GPC6: variants seen among roughly 807,000 people sequenced by gnomAD.
The protein encoded by GPC6 is glypican-6.
Under a neutral mutation model 55.2 loss-of-function variants are expected in GPC6, and 14 were observed. That is an observed-to-expected ratio of 0.25 (90% CI 0.17 to 0.40). GPC6 has a LOEUF of 0.40. Among genes scored for constraint, GPC6 ranks in the 10% least tolerant of loss-of-function variants. The probability of loss-of-function intolerance (pLI) is 1.00; values close to 1 mark genes in which losing one functional copy is unlikely to be tolerated. For synonymous variants in GPC6, 278 were observed against 259.6 expected, an observed-to-expected ratio of 1.07 and a Z score of -0.68; for missense variants, 641 against 708.5, an observed-to-expected ratio of 0.90 and a Z score of 1.08.
chr13:94,001,221 C>G (rs1881785423), intron 3 of GPC6, among the ~76,000 whole-genome samples: 2 of 152,096 alleles, frequency 1.3e-5, no homozygotes, highest in Non-Finnish European at 2.9e-5. Context: ...TCAGACATTA[C>G]TATGAGGATT....
At chr13:93,667,735 G>GTTTTTTTTTTTTTTTTTTTTTTTTTT (rs71126408) in intron 2 of GPC6, among the ~76,000 whole-genome samples, 1 of 123,166 alleles carries the variant, frequency 8.1e-6, no homozygotes, top group Non-Finnish European at 1.6e-5. Context: ...GCCAGGACTT[G>GTTTTTTTTTTTTTTTTTTTTTTTTTT]TTTTTTTTTT....
At chr13:93,629,700 C>T (rs1489994900) in intron 2 of GPC6, among the ~76,000 whole-genome samples, 2 of 152,166 alleles carry the variant, frequency 1.3e-5, no homozygotes, top group African/African-American at 2.4e-5. Flanking sequence ...TCTGCTACTT[C>T]AATATAACAA....
chr13:94,265,606 T>C (rs544615071), intron 4 of GPC6, among the ~76,000 whole-genome samples: 1 of 152,064 alleles, frequency 6.6e-6, no homozygotes, highest in Admixed American at 6.5e-5. Context: ...AAATTGACAC[T>C]CAGTATTAAC....
intron 3 of GPC6, among the ~76,000 whole-genome samples, chr13:93,861,887 C>T (rs1049251082): frequency 6.6e-6 from 1 of 151,590 alleles, no homozygotes; most frequent in African/African-American, 2.4e-5. Context: ...TCTAAAGTGT[C>T]GGAAGGTTAT....
At chr13:93,677,814 A>T (rs1438808278) in intron 2 of GPC6, among the ~76,000 whole-genome samples, 1 of 152,160 alleles carries the variant, frequency 6.6e-6, no homozygotes, top group East Asian at 1.9e-4. Context: ...ATTTCTATAA[A>T]GCATATCAAC....
rs568334673 is a variant in GPC6, at chr13:93,851,954, C to T, written c.711+21409C>T. Among the ~76,000 whole-genome samples, 14 of 151,636 alleles carry T rather than the reference C, an allele frequency of 9.2e-5. No individual in the cohort carries two copies. In the South Asian group the frequency reaches 1.0e-3, roughly 11 times the overall value. On this transcript the variant is annotated intron_variant, in intron 3 of 8. Coordinates refer to ENST00000377047, the MANE Select transcript of GPC6 (RefSeq NM_005708.5). ...TTATATGAGACAAAAATATGATAAACGTGTTTGGTAAGCAATAGCAGATTC... is the reference window on the plus strand; with the variant it reads ...TTATATGAGACAAAAATATGATAAATGTGTTTGGTAAGCAATAGCAGATTC...
chr13:94,112,438 A>AGATG (rs1886282027), intron 4 of GPC6, among the ~76,000 whole-genome samples: 1 of 152,108 alleles, frequency 6.6e-6, no homozygotes, highest in Admixed American at 6.6e-5. Flanking sequence ...TCGCACACAC[A>AGATG]CTCATTAACC....
chr13:93,626,172 G>T (rs931800847), intron 2 of GPC6, among the ~76,000 whole-genome samples: 3 of 152,106 alleles, frequency 2.0e-5, no homozygotes, highest in Non-Finnish European at 2.9e-5. Flanking sequence ...ATACACACAC[G>T]TGCATACATA....
At chr13:94,302,808 T>C (rs955354827) in intron 5 of GPC6, among the ~76,000 whole-genome samples, 3 of 152,246 alleles carry the variant, frequency 2.0e-5, no homozygotes, top group African/African-American at 7.2e-5. Flanking sequence ...CCTGGGGTTC[T>C]TGGCCTCACA....
At chr13:93,720,926 A>G (rs1301017260) in intron 2 of GPC6, among the ~76,000 whole-genome samples, 1 of 151,970 alleles carries the variant, frequency 6.6e-6, no homozygotes. Flanking sequence ...CTGTGGTCTG[A>G]GAGACTGTTA....
chr13:94,138,041 T>C (rs961644335), intron 4 of GPC6, among the ~76,000 whole-genome samples: 1 of 152,202 alleles, frequency 6.6e-6, no homozygotes, highest in Non-Finnish European at 1.5e-5. Flanking sequence ...GACCTAATTG[T>C]ATAGTGTTTG....
intron 2 of GPC6, among the ~76,000 whole-genome samples, chr13:93,770,840 C>T (rs1026753501): frequency 2.0e-5 from 3 of 152,058 alleles, no homozygotes; most frequent in African/African-American, 7.2e-5. Flanking sequence ...CCCATACTTT[C>T]TTGGTCAAAT....
At chr13:93,738,861 A>G (rs777688665) in intron 2 of GPC6, among the ~76,000 whole-genome samples, 42 of 152,044 alleles carry the variant, frequency 2.8e-4, no homozygotes, top group Admixed American at 1.6e-3. Flanking sequence ...TAGTTCACAT[A>G]AAACCTGTTT....
chr13:93,253,339 T>C (rs1876850119), intron 1 of GPC6, among the ~76,000 whole-genome samples: 1 of 152,226 alleles, frequency 6.6e-6, no homozygotes, highest in Non-Finnish European at 1.5e-5. Context: ...GGAATGTACA[T>C]AGAAACCACT....
At chr13:93,514,063 A>T (rs915246110) in intron 1 of GPC6, among the ~76,000 whole-genome samples, 21 of 151,828 alleles carry the variant, frequency 1.4e-4, no homozygotes, top group African/African-American at 4.8e-4. Flanking sequence ...TAGTAGAAAC[A>T]GAGTTTCACC....
chr13:93,545,225 C>T (rs1336352634), intron 1 of GPC6, 38 bp from the exon 2 acceptor site: 3 of 1,574,662 alleles, frequency 1.9e-6, no homozygotes, highest in South Asian at 1.1e-5. Flanking sequence ...ACCAAAAGTC[C>T]TTAGAATGCA....
At chr13:93,444,195 C>CTTCTT (rs755978023) in intron 1 of GPC6, among the ~76,000 whole-genome samples, 21,869 of 111,706 alleles carry the variant, frequency 0.2, 2,350 homozygotes, top group Middle Eastern at 0.28. Flanking sequence ...TGCAATTCTT[C>CTTCTT]TTTTTTTTTT....
At chr13:93,603,778 G>A (rs1242102743) in intron 2 of GPC6, among the ~76,000 whole-genome samples, 1 of 152,166 alleles carries the variant, frequency 6.6e-6, no homozygotes, top group Non-Finnish European at 1.5e-5. Flanking sequence ...CTACAAGGGG[G>A]ACACTAATAT....
intron 3 of GPC6, among the ~76,000 whole-genome samples, chr13:93,969,090 A>G (rs1435395342): frequency 6.6e-6 from 1 of 152,186 alleles, no homozygotes; most frequent in Non-Finnish European, 1.5e-5. Flanking sequence ...ATAATCATCT[A>G]GCACCAACCG....
Sources: allele counts gnomAD v4.1 joint callset (sites outside exome capture counted in the v4.1 genomes callset), GRCh38; gene constraint gnomAD v4.1.1; transcripts MANE v1.5; gene names NCBI Gene and HGNC (gene_info 2026-07-23, HGNC 2026-07-21).